Variants in XG observed in about 807,000 individuals in gnomAD.
XG encodes Xg glycoprotein (Xg blood group), also known as glycoprotein Xg.
A neutral mutation model predicts 25.7 loss-of-function variants in XG; 24 were observed. The ratio of observed to expected loss-of-function variants is 0.93; its 90% confidence interval spans 0.68 to 1.31. The LOEUF is 1.31. XG is among the 40% of genes most tolerant of loss of function. The pLI is 0.00. For missense variants in XG, 181 were observed against 187.6 expected (o/e 0.96, Z 0.21); for synonymous variants, 77 against 69.2 (o/e 1.11, Z -0.56).
intron 1 of XG, among the ~76,000 whole-genome samples, chrX:2,766,015 C>A (rs1020647978): frequency 5.9e-5 from 9 of 152,232 alleles, no homozygotes; most frequent in African/African-American, 2.2e-4. Flanking sequence ...TATATTTATG[C>A]TTTGGTTCAT....
At chrX:2,770,036 T>TGG (rs1556363415) in intron 1 of XG, among the ~76,000 whole-genome samples, 1 of 43,378 alleles carries the variant, frequency 2.3e-5, no homozygotes, top group Non-Finnish European at 4.8e-5. Context: ...GGGGGGGCGT[T>TGG]GGGGGGCGGG....
intron 1 of XG, among the ~76,000 whole-genome samples, chrX:2,760,930 C>T (rs1276897963): frequency 6.6e-6 from 1 of 151,806 alleles, no homozygotes; most frequent in African/African-American, 2.4e-5. Context: ...AGGAACCAGC[C>T]CTGCCCACAC....
Position 2,767,120 on chromosome X carries a change from C to T in XG, c.62-3430C>T, listed in dbSNP as rs779078190. Among the ~76,000 whole-genome samples, 24 of 152,162 alleles carry T rather than the reference C, an allele frequency of 1.6e-4. No homozygotes were observed. In the South Asian group the frequency reaches 4.8e-3, roughly 30 times the overall value. ...GGTATTGTTTCGTAAGCCTGAACCACGTGCAGGTCTGAATCAACATAAAGA... is the reference window on the plus strand; with the variant it reads ...GGTATTGTTTCGTAAGCCTGAACCATGTGCAGGTCTGAATCAACATAAAGA... On this transcript the variant is annotated intron_variant, in intron 1 of 10. Transcript: ENST00000644266.
intron 4 of XG, among the ~76,000 whole-genome samples, chrX:2,784,508 T>A (rs1270516028): frequency 1.9e-5 from 2 of 104,492 alleles, no homozygotes; most frequent in African/African-American, 7.1e-5. Flanking sequence ...AGGCAGAGGT[T>A]GTAGCAAGCT....
rs976191658 is a variant in XG, at chrX:2,759,375, A to AGGAGGTATAGTTGTCT, written c.61+7072_61+7087dup. 1.4e-3 allele frequency among the ~76,000 whole-genome samples: 218 copies of AGGAGGTATAGTTGTCT among 152,280 alleles called. 1 individual carries two copies. Among genetic ancestry groups the AGGAGGTATAGTTGTCT allele is most frequent in the South Asian group, 7.7e-3 (37 of 4,820 alleles). On this transcript the variant is annotated intron_variant, in intron 1 of 10. Coordinates refer to ENST00000644266, the MANE Select transcript of XG (RefSeq NM_001141919.2). ...GAAATGTCATGCTCCTGTACGCTGT[A>AGGAGGTATAGTTGTCT]GGAGGTATAGTTGTCTGGAGGTATA... is the stretch of plus-strand genomic sequence containing the variant.
rs1394992712 is a variant in XG, at chrX:2,815,131, C to T, written c.*751C>T. On this transcript the variant is annotated 3_prime_UTR_variant, in exon 11 of 11. Transcript: ENST00000644266. Reference sequence around the variant, plus strand: ...AAATAGTGATTATCAGGCGTTGAGCCTTTTTGTAGTATTTTTAGTCTTTGA... The same window carrying T: ...AAATAGTGATTATCAGGCGTTGAGCTTTTTTGTAGTATTTTTAGTCTTTGA... 1 of 111,231 alleles carries T rather than the reference C, an allele frequency of 9.0e-6. No individual in the cohort carries two copies. The highest frequency in any genetic ancestry group is 1.9e-5 in the Non-Finnish European group (1 of 53,066). 9.2% of individuals were successfully genotyped at this position (111,231 alleles called of 1,213,427 possible).
chrX:2,778,912 C>T (rs1003886234), intron 3 of XG, among the ~76,000 whole-genome samples: 6 of 151,876 alleles, frequency 4.0e-5, no homozygotes, highest in Non-Finnish European at 8.8e-5. Context: ...CAGGCATGTG[C>T]CACCACGCCT....
rs1431869847 is a variant in XG, at chrX:2,814,602, AAG to A, written c.*223_*224del. On this transcript the variant is annotated 3_prime_UTR_variant, in exon 11 of 11. Transcript: ENST00000644266. Reference sequence around the variant, plus strand: ...GGCAGCTAGACCCTGCGTTCTAAAAAAGGATTGCTTGCAATGTTGGTTTGGCT... The same window carrying A: ...GGCAGCTAGACCCTGCGTTCTAAAAAGATTGCTTGCAATGTTGGTTTGGCT... 1 of 402,025 alleles carries A rather than the reference AAG, an allele frequency of 2.5e-6. No individual in the cohort carries two copies. Among genetic ancestry groups the A allele is most frequent in the African/African-American group, 2.5e-5 (1 of 39,239 alleles). The allele number at this position is 402,025 out of a possible 1,213,427, so 33.1% of individuals were successfully genotyped here.
At chrX:2,780,515 G>A (rs949888336) in intron 3 of XG, among the ~76,000 whole-genome samples, 5 of 151,570 alleles carry the variant, frequency 3.3e-5, no homozygotes, top group African/African-American at 1.2e-4. Context: ...GGATCACAAG[G>A]TCAGGAGTTT....
intron 7 of XG, among the ~76,000 whole-genome samples, chrX:2,799,991 GTGTATATGGGCCACAT>G (rs1395079005): frequency 8.9e-6 from 1 of 111,780 alleles, no homozygotes; most frequent in African/African-American, 3.3e-5. Context: ...TTTTATGGCT[GTGTATATGGGCCACAT>G]TGTATATGGG....
At chrX:2,765,655 G>C (rs1215792402) in intron 1 of XG, among the ~76,000 whole-genome samples, 1 of 152,206 alleles carries the variant, frequency 6.6e-6, no homozygotes, top group Non-Finnish European at 1.5e-5. Context: ...AGAGCCTGCT[G>C]GGAGCTGATT....
intron 4 of XG, 33 bp from the exon 5 acceptor site, chrX:2,789,610 AT>A: frequency 9.7e-7 from 1 of 1,032,351 alleles, no homozygotes; most frequent in East Asian, 3.4e-5. Flanking sequence ...AGATGTCATT[AT>A]TTTTCTGAAA....
intron 9 of XG, among the ~76,000 whole-genome samples, chrX:2,810,069 G>A (rs190582537): frequency 1.6e-4 from 18 of 111,645 alleles, no homozygotes; most frequent in African/African-American, 5.5e-4. Flanking sequence ...CAGGAGGCAG[G>A]GTGTGGCGGG....
chrX:2,795,148 C>A (rs1417611098), intron 6 of XG, among the ~76,000 whole-genome samples: 1 of 106,488 alleles, frequency 9.4e-6, no homozygotes, highest in African/African-American at 3.4e-5. Flanking sequence ...TTATATATAT[C>A]CTTATATATA....
intron 10 of XG, among the ~76,000 whole-genome samples, chrX:2,813,994 A>G (rs2087081383): frequency 8.9e-6 from 1 of 112,410 alleles, no homozygotes; most frequent in Non-Finnish European, 1.9e-5. Context: ...TGACAAATAA[A>G]CATTGTATAT....
intron 2 of XG, among the ~76,000 whole-genome samples, chrX:2,770,984 C>A (rs778259328): frequency 3.9e-5 from 6 of 152,200 alleles, no homozygotes; most frequent in African/African-American, 1.4e-4. Context: ...GTAGCTGGAA[C>A]AACAGGTGTG....
At chrX:2,786,258 G>GTTTTTTTTTTTTTTTTT (rs1569039363) in intron 4 of XG, among the ~76,000 whole-genome samples, 1 of 26,267 alleles carries the variant, frequency 3.8e-5, no homozygotes, top group African/African-American at 1.3e-4. Context: ...TATCCATGTT[G>GTTTTTTTTTTTTTTTTT]TCTTTTTTTT....
At position 2,797,293 on chromosome X, in the gene XG, C is replaced by T; in HGVS notation, c.323-17C>T. ...GACACCTGAACATCCCTCAACTCTA[C>T]CTTCTCTGTCTAACAGGAGGTGGCG... On this transcript the variant is annotated splice_polypyrimidine_tract_variant and intron_variant, in intron 6 of 10. Coordinates refer to ENST00000644266, the MANE Select transcript of XG (RefSeq NM_001141919.2). 8.3e-7 allele frequency: 1 copy of T among 1,210,864 alleles called. No homozygotes were observed. The highest frequency in any genetic ancestry group is 1.7e-5 in the African/African-American group (1 of 57,721).
At chrX:2,790,697 G>C (rs1363020377) in intron 5 of XG, among the ~76,000 whole-genome samples, 3 of 111,433 alleles carry the variant, frequency 2.7e-5, no homozygotes, top group African/African-American at 9.8e-5. Context: ...CTACTGGGGA[G>C]GCTGAGGCAG....
Sources: allele counts gnomAD v4.1 joint callset (sites outside exome capture counted in the v4.1 genomes callset), GRCh38; gene constraint gnomAD v4.1.1; transcripts MANE v1.5; gene names NCBI Gene and HGNC (gene_info 2026-07-23, HGNC 2026-07-21).